CELF1: variants seen among roughly 807,000 people sequenced by gnomAD.
CELF1 encodes 50 kDa nuclear polyadenylated RNA-binding protein.
A neutral mutation model predicts 61.8 loss-of-function variants in CELF1; 10 were observed. That is an observed-to-expected ratio of 0.16 (90% CI 0.10 to 0.27). The LOEUF (loss-of-function observed/expected upper bound fraction) is 0.27, where lower values mean the gene tolerates loss of function less well. Among genes scored for constraint, CELF1 ranks in the 10% least tolerant of loss-of-function variants. The pLI is 1.00. For missense variants in CELF1, 380 were observed against 639.1 expected, an observed-to-expected ratio of 0.59 and a Z score of 4.37; for synonymous variants, 236 against 225.1, an observed-to-expected ratio of 1.05 and a Z score of -0.43.
intron 1 of CELF1, among the ~76,000 whole-genome samples, chr11:47,521,996 C>A (rs1041689229): frequency 1.3e-5 from 2 of 152,140 alleles, no homozygotes; most frequent in Middle Eastern, 3.4e-3. Flanking sequence ...TCACAACCTC[C>A]ATCTCCCGGA....
At chr11:47,492,100 T>A (rs538121972) in intron 3 of CELF1, among the ~76,000 whole-genome samples, 3 of 152,158 alleles carry the variant, frequency 2.0e-5, no homozygotes, top group African/African-American at 7.2e-5. Flanking sequence ...ACCTCAGCAA[T>A]CCCAGTAGAT....
intron 1 of CELF1, among the ~76,000 whole-genome samples, chr11:47,514,572 T>G (rs372797283): frequency 2.6e-5 from 4 of 152,050 alleles, no homozygotes; most frequent in South Asian, 2.1e-4. Context: ...AAATCTCTTT[T>G]TGGCCAGGCA....
At chr11:47,549,820 G>GT (rs143103415) in intron 1 of CELF1, among the ~76,000 whole-genome samples, 41,314 of 144,944 alleles carry the variant, frequency 0.29, 6,685 homozygotes, top group Admixed American at 0.37. Context: ...GGTTTTTTTT[G>GT]TTTTTTTTTT....
chr11:47,487,388 T>C (rs1437972457), intron 4 of CELF1, 147 bp from the exon 5 acceptor site: 2 of 601,868 alleles, frequency 3.3e-6, no homozygotes, highest in Non-Finnish European at 2.9e-6. Context: ...AAAGAACGAA[T>C]AGAATATCTA....
intron 7 of CELF1, among the ~76,000 whole-genome samples, 174 bp downstream of exon 7, chr11:47,484,215 C>T (rs775157521): frequency 6.6e-6 from 1 of 151,720 alleles, no homozygotes; most frequent in Non-Finnish European, 1.5e-5. Context: ...TGCCTGTGGT[C>T]CCAGCTACTC....
intron 1 of CELF1, chr11:47,513,850 C>T (rs1336447215): frequency 1.3e-5 from 2 of 151,800 alleles, no homozygotes; most frequent in African/African-American, 4.8e-5. Flanking sequence ...ATACTTACAA[C>T]CATATTTTGG....
chr11:47,497,609 C>T (rs1047444126), intron 3 of CELF1, among the ~76,000 whole-genome samples: 23 of 152,300 alleles, frequency 1.5e-4, no homozygotes, highest in African/African-American at 5.5e-4. Context: ...AAAACAGATG[C>T]AAACGTACTT....
At chr11:47,552,493 C>A (rs936338246) in intron 1 of CELF1, among the ~76,000 whole-genome samples, 14 of 152,308 alleles carry the variant, frequency 9.2e-5, no homozygotes, top group African/African-American at 3.1e-4. Context: ...GGGCGAGGAA[C>A]GAGGGGCTCT....
intron 12 of CELF1, among the ~76,000 whole-genome samples, chr11:47,475,757 C>A (rs2079776874): frequency 6.6e-6 from 1 of 152,208 alleles, no homozygotes; most frequent in Admixed American, 6.5e-5. Flanking sequence ...CCATTACCTT[C>A]ATCCAATCTG....
chr11:47,498,651 C>G (rs1565827299), intron 3 of CELF1, among the ~76,000 whole-genome samples: 1 of 152,158 alleles, frequency 6.6e-6, no homozygotes, highest in Non-Finnish European at 1.5e-5. Flanking sequence ...ACTCTGAAGC[C>G]TGGTTACAGT....
intron 1 of CELF1, among the ~76,000 whole-genome samples, chr11:47,512,403 T>C (rs2095264849): frequency 3.3e-5 from 5 of 151,558 alleles, no homozygotes; most frequent in Admixed American, 2.6e-4. Context: ...TCCACCTGCC[T>C]TGGCCTCCCA....
chr11:47,563,857 C>T (rs1427790121), intron 2 of CELF1, among the ~76,000 whole-genome samples: 1 of 151,700 alleles, frequency 6.6e-6, no homozygotes, highest in Non-Finnish European at 1.5e-5. Context: ...CCTGTCTCTA[C>T]TAAAAATACA....
chr11:47,531,913 T>A (rs1388900210), intron 1 of CELF1, among the ~76,000 whole-genome samples: 2 of 152,218 alleles, frequency 1.3e-5, no homozygotes, highest in Admixed American at 1.3e-4. Context: ...GGTTTAGGCA[T>A]GACATAATTC....
chr11:47,479,057 G>A, intron 9 of CELF1, 105 bp from the exon 10 acceptor site: 2 of 861,810 alleles, frequency 2.3e-6, no homozygotes, highest in Non-Finnish European at 3.7e-6. Context: ...GGCCCCCAGA[G>A]AGAAGAAAGT....
At chr11:47,483,415 A>C (rs2084683033) in intron 8 of CELF1, 38 bp downstream of exon 8, 3 of 1,545,880 alleles carry the variant, frequency 1.9e-6, no homozygotes, top group Non-Finnish European at 2.7e-6. Context: ...AGCATTCCCA[A>C]GCTGAGGAAT....
intron 1 of CELF1, among the ~76,000 whole-genome samples, chr11:47,544,529 C>A (rs1412190481): frequency 6.6e-6 from 1 of 152,190 alleles, no homozygotes; most frequent in African/African-American, 2.4e-5. Context: ...CAAGTCACAT[C>A]ATTCTTTCAA....
At position 47,475,439 on chromosome 11, in the gene CELF1, G is replaced by A. The variant is rs368359967; in HGVS notation, c.1170C>T (p.Ala390=). The change falls in exon 13 of 15, where the codon GCC becomes GCT. Residue 390 remains alanine, a synonymous_variant. Coordinates refer to ENST00000687097, the MANE Select transcript of CELF1 (RefSeq NM_001376376.1). ...CAGCATATTGCTGGATACCCGAGTA[G>A]GCCTGAGTGAGGGCCTCCATGGTGC... ...TGSTMEALTQ[A]YSGIQQYAAA... 18 of 1,614,020 alleles carry A rather than the reference G, an allele frequency of 1.1e-5. No homozygotes were observed. The highest frequency in any genetic ancestry group is 1.7e-4 in the Middle Eastern group (1 of 6,016).
intron 1 of CELF1, among the ~76,000 whole-genome samples, chr11:47,504,329 T>TA (rs543425672): frequency 3.3e-4 from 50 of 152,242 alleles, no homozygotes; most frequent in Admixed American, 3.9e-4. Flanking sequence ...GAAACGCCTG[T>TA]AATCCCAGCA....
At chr11:47,543,955 C>T (rs1247786320) in intron 1 of CELF1, among the ~76,000 whole-genome samples, 1 of 152,146 alleles carries the variant, frequency 6.6e-6, no homozygotes, top group Non-Finnish European at 1.5e-5. Context: ...CCAAAATATT[C>T]ATTTATAATT....
Sources: allele counts gnomAD v4.1 joint callset (sites outside exome capture counted in the v4.1 genomes callset), GRCh38; gene constraint gnomAD v4.1.1; transcripts MANE v1.5; gene names NCBI Gene and HGNC (gene_info 2026-07-23, HGNC 2026-07-21).